Variants in NWD2 observed in about 807,000 individuals in gnomAD.
NWD2 encodes NACHT and WD repeat domain containing 2.
Under a neutral mutation model 132.7 loss-of-function variants are expected in NWD2, and 37 were observed. That is an observed-to-expected ratio of 0.28 (90% CI 0.21 to 0.37). NWD2 has a LOEUF of 0.37. Ranked by LOEUF, NWD2 falls within the 10% of genes least tolerant of loss-of-function variation. NWD2 has a pLI of 1.00. For missense variants in NWD2, 1,592 were observed against 2,122.4 expected, an observed-to-expected ratio of 0.75 and a Z score of 4.91; for synonymous variants, 705 against 803.0, an observed-to-expected ratio of 0.88 and a Z score of 2.06.
intron 1 of NWD2, among the ~76,000 whole-genome samples, chr4:37,314,396 T>C (rs1387237576): frequency 6.6e-6 from 1 of 152,240 alleles, no homozygotes; most frequent in East Asian, 1.9e-4. Context: ...TTATATACTC[T>C]GGGCCTGAGA....
At chr4:37,411,016 G>A (rs1425082856) in intron 3 of NWD2, among the ~76,000 whole-genome samples, 1 of 152,152 alleles carries the variant, frequency 6.6e-6, no homozygotes, top group Non-Finnish European at 1.5e-5. Context: ...GAAATTTATA[G>A]CACTAAATGC....
Position 37,443,985 on chromosome 4 carries a change from C to T in NWD2, c.1997C>T (p.Thr666Ile), listed in dbSNP as rs865867421. The T allele has an allele frequency of 6.4e-7, 1 of 1,552,284 alleles. No homozygotes were observed. Among genetic ancestry groups the T allele is most frequent in the African/African-American group, 1.4e-5 (1 of 73,146 alleles). Residue 666 changes from threonine to isoleucine, a missense_variant, in exon 7 of 7, where the codon ACC becomes ATC. Physicochemically the swap from Thr to Ile is moderately conservative, Grantham distance 89. Transcript: ENST00000309447. This position sits in a 1 kb window ranked among gnomAD's most constrained non-coding sequence, Gnocchi z 4.1. ...GTCTCTAGGGCTCTTGGTTACATCA[C>T]CATGGCCAAAATGGGTCTGAGTGAA... Reference protein sequence around the residue: ...KLVSRALGYITMAKMGLSEME... With the variant: ...KLVSRALGYIIMAKMGLSEME...
chr4:37,345,183 C>T (rs1337415241), intron 2 of NWD2, among the ~76,000 whole-genome samples: 3 of 152,090 alleles, frequency 2.0e-5, no homozygotes, highest in African/African-American at 4.8e-5. Context: ...TATGAACACT[C>T]GTGTACAAGT....
chr4:37,259,722 T>C (rs1350923427), intron 1 of NWD2, among the ~76,000 whole-genome samples: 1 of 152,136 alleles, frequency 6.6e-6, no homozygotes, highest in Admixed American at 6.5e-5. Flanking sequence ...GATGCAGCCC[T>C]AGAGTTCCCA....
chr4:37,396,062 A>G (rs892718174), intron 3 of NWD2, among the ~76,000 whole-genome samples: 1 of 152,144 alleles, frequency 6.6e-6, no homozygotes, highest in Non-Finnish European at 1.5e-5. Flanking sequence ...TGTGTCCTCA[A>G]TTGAGCTCAG....
chr4:37,272,596 T>A (rs1717894509), intron 1 of NWD2, among the ~76,000 whole-genome samples: 1 of 151,836 alleles, frequency 6.6e-6, no homozygotes. Context: ...TTTATTGGTA[T>A]ATATAGGATG....
chr4:37,270,812 C>G (rs1217311355), intron 1 of NWD2, among the ~76,000 whole-genome samples: 5 of 151,624 alleles, frequency 3.3e-5, no homozygotes, highest in Non-Finnish European at 5.9e-5. Context: ...GTTTTTAGCA[C>G]AAAGAAATCT....
intron 1 of NWD2, among the ~76,000 whole-genome samples, chr4:37,254,157 T>C (rs781206086): frequency 6.6e-6 from 1 of 152,166 alleles, no homozygotes; most frequent in Non-Finnish European, 1.5e-5. Context: ...CCATGACACA[T>C]GTTTACCTGT....
rs578179847 is a variant in NWD2 at position 37,327,323 on chromosome 4, G to C, written c.240+1299G>C. Among the ~76,000 whole-genome samples, 195 of 152,136 alleles carry C rather than the reference G, an allele frequency of 1.3e-3. 1 individual carries two copies. Among genetic ancestry groups the C allele is most frequent in the South Asian group, 7.7e-3 (37 of 4,814 alleles). On this transcript the variant is annotated intron_variant, in intron 2 of 6. Coordinates refer to ENST00000309447, the MANE Select transcript of NWD2 (RefSeq NM_001144990.2). ...TGACTAGGATTAGCTGAGGGAGAAA[G>C]AGAAAAAAAGTATACTTTCTGAACT...
intron 3 of NWD2, among the ~76,000 whole-genome samples, chr4:37,370,591 G>A (rs1189089928): frequency 6.6e-6 from 1 of 152,134 alleles, no homozygotes; most frequent in African/African-American, 2.4e-5. Context: ...GCTTGAATCA[G>A]TTATAAATAT....
At chr4:37,438,176 G>T (rs551851418) in intron 5 of NWD2, among the ~76,000 whole-genome samples, 2 of 152,020 alleles carry the variant, frequency 1.3e-5, no homozygotes, top group African/African-American at 4.8e-5. Flanking sequence ...CAGGAGAATG[G>T]TGTGAACCCA....
chr4:37,325,049 A>G (rs774510206), intron 1 of NWD2, among the ~76,000 whole-genome samples: 4 of 152,256 alleles, frequency 2.6e-5, no homozygotes, highest in Non-Finnish European at 4.4e-5. Flanking sequence ...AACTATATTC[A>G]TGTTTCACTG....
intron 3 of NWD2, among the ~76,000 whole-genome samples, chr4:37,395,601 A>AAAAAAAAAAAAAAAAAAAAAC (rs1560411977): frequency 6.7e-6 from 1 of 148,612 alleles, no homozygotes; most frequent in South Asian, 2.2e-4. Context: ...AAAAAAAAAA[A>AAAAAAAAAAAAAAAAAAAAAC]AAAAAAAAGA....
At position 37,445,326 on chromosome 4, in the gene NWD2, C is replaced by G. The variant is rs773019935; in HGVS notation, c.3338C>G (p.Ala1113Gly). ...CAGTGCTCCCTGGATGGTCTGTATG[C>G]TTTCTGTGGCCAATACCTGAACACA... ...CVQCSLDGLY[A>G]FCGQYLNTTT... Residue 1113 changes from alanine to glycine, a missense_variant, in exon 7 of 7, where the codon GCT becomes GGT. Around this residue, in one of 7 missense-constraint regions of NWD2, gnomAD observed 1,071 missense variants for 1,398.0 expected, o/e 0.77. Coordinates refer to ENST00000309447, the MANE Select transcript of NWD2 (RefSeq NM_001144990.2). The surrounding 1 kb of genome is among the most constrained non-coding windows in gnomAD (Gnocchi z 4.7). 16 of 1,551,984 alleles carry G rather than the reference C, an allele frequency of 1.0e-5. No individual in the cohort carries two copies. The highest frequency in any genetic ancestry group is 7.8e-5 in the Admixed American group (4 of 50,984).
intron 2 of NWD2, among the ~76,000 whole-genome samples, chr4:37,326,897 C>T (rs1719183775): frequency 6.6e-6 from 1 of 152,124 alleles, no homozygotes; most frequent in Non-Finnish European, 1.5e-5. Context: ...TGATATACTC[C>T]TGATGCCTTC....
intron 3 of NWD2, among the ~76,000 whole-genome samples, chr4:37,383,964 A>AT (rs1167054429): frequency 3.3e-5 from 5 of 151,602 alleles, no homozygotes; most frequent in Non-Finnish European, 7.4e-5. Context: ...TTTTTATTTA[A>AT]TTTTTTTATA....
At chr4:37,334,953 G>A (rs1440538478) in intron 2 of NWD2, among the ~76,000 whole-genome samples, 2 of 151,980 alleles carry the variant, frequency 1.3e-5, no homozygotes, top group African/African-American at 4.8e-5. Flanking sequence ...CCGTTACCTT[G>A]ACTGTTGCCA....
At chr4:37,381,930 A>AT (rs1468963484) in intron 3 of NWD2, among the ~76,000 whole-genome samples, 1 of 152,170 alleles carries the variant, frequency 6.6e-6, no homozygotes, top group Non-Finnish European at 1.5e-5. Flanking sequence ...GTGGGATAAC[A>AT]TTTTTTTAAA....
intron 5 of NWD2, among the ~76,000 whole-genome samples, chr4:37,435,790 G>A (rs997242798): frequency 6.6e-6 from 1 of 152,168 alleles, no homozygotes; most frequent in Non-Finnish European, 1.5e-5. Flanking sequence ...TACAAGTGGA[G>A]TGTTTTCTGC....
Sources: gnomAD v4.1 joint callset for allele counts (sites outside exome capture counted in the v4.1 genomes callset) on GRCh38, gnomAD v4.1.1 for gene constraint, gnomAD v4.1.1 regional missense constraint, Gnocchi (gnomAD v3.1) non-coding constraint, MANE v1.5 for transcripts, NCBI Gene and HGNC (gene_info 2026-07-23, HGNC 2026-07-21) for gene names.